Variants in SH3GL3 observed in about 807,000 individuals in gnomAD.
The protein encoded by SH3GL3 is SH3 domain containing GRB2 like 3, endophilin A3.
Under a neutral mutation model 47.7 loss-of-function variants are expected in SH3GL3, and 33 were observed. That is an observed-to-expected ratio of 0.69 (90% CI 0.52 to 0.92). SH3GL3 has a LOEUF of 0.92. Among genes scored for constraint, SH3GL3 ranks in the 40% least tolerant of loss-of-function variants. The pLI is 0.00. For synonymous variants in SH3GL3, 155 were observed against 148.8 expected (o/e 1.04, Z -0.30); for missense variants, 363 against 417.8 (o/e 0.87, Z 1.14).
chr15:83,562,017 G>GAC (rs886348854), intron 2 of SH3GL3, among the ~76,000 whole-genome samples: 28 of 128,354 alleles, frequency 2.2e-4, no homozygotes, highest in South Asian at 9.7e-4. Context: ...GACTTGAACA[G>GAC]ACACACACAC....
chr15:83,501,140 G>C (rs547290090), intron 1 of SH3GL3, among the ~76,000 whole-genome samples: 13 of 152,220 alleles, frequency 8.5e-5, no homozygotes, highest in Admixed American at 7.8e-4. Context: ...TCAGAAATAA[G>C]CAAGAACTCT....
chr15:83,502,103 A>G (rs767142638), intron 1 of SH3GL3, among the ~76,000 whole-genome samples: 1 of 152,254 alleles, frequency 6.6e-6, no homozygotes, highest in African/African-American at 2.4e-5. Flanking sequence ...AAGTTCTTAG[A>G]AGAAGTGGTG....
chr15:83,470,051 A>G (rs973631755), intron 1 of SH3GL3, among the ~76,000 whole-genome samples: 22 of 152,154 alleles, frequency 1.4e-4, no homozygotes, highest in Admixed American at 2.6e-4. Flanking sequence ...TTTTACTATC[A>G]TATAATGTTC....
intron 1 of SH3GL3, among the ~76,000 whole-genome samples, chr15:83,541,490 C>T (rs1307724880): frequency 6.6e-6 from 1 of 151,580 alleles, no homozygotes; most frequent in Admixed American, 6.6e-5. Context: ...CCCGCTACCA[C>T]GCCCGGCTAA....
chr15:83,614,493 C>T (rs796467660), intron 8 of SH3GL3, among the ~76,000 whole-genome samples: 33 of 152,296 alleles, frequency 2.2e-4, no homozygotes, highest in African/African-American at 6.3e-4. Flanking sequence ...TCTCTTTCCT[C>T]GCCAGCTGAG....
At chr15:83,562,603 T>C (rs2045343111) in intron 2 of SH3GL3, among the ~76,000 whole-genome samples, 2 of 152,240 alleles carry the variant, frequency 1.3e-5, no homozygotes, top group Non-Finnish European at 2.9e-5. Flanking sequence ...ATGAAAATCA[T>C]TATAGTTAAT....
At chr15:83,541,310 C>CAATTTTTTTTTTTTTTTTT (rs1567318555) in intron 1 of SH3GL3, among the ~76,000 whole-genome samples, 2 of 47,750 alleles carry the variant, frequency 4.2e-5, no homozygotes, top group African/African-American at 1.3e-4. Flanking sequence ...TATGGTAATT[C>CAATTTTTTTTTTTTTTTTT]TATTTTTTTT....
intron 6 of SH3GL3, among the ~76,000 whole-genome samples, chr15:83,577,558 C>G (rs1429898172): frequency 6.6e-6 from 1 of 152,006 alleles, no homozygotes; most frequent in African/African-American, 2.4e-5. Flanking sequence ...GCCACCAAAC[C>G]CTGATAATTT....
At chr15:83,493,092 C>A (rs1487881571) in intron 1 of SH3GL3, among the ~76,000 whole-genome samples, 1 of 152,124 alleles carries the variant, frequency 6.6e-6, no homozygotes, top group Non-Finnish European at 1.5e-5. Flanking sequence ...AATAATCGTT[C>A]TTTAATTTCT....
intron 1 of SH3GL3, among the ~76,000 whole-genome samples, chr15:83,541,310 C>CTT (rs2044143784): frequency 1.9e-4 from 9 of 47,748 alleles, no homozygotes; most frequent in East Asian, 1.0e-3. Context: ...TATGGTAATT[C>CTT]TATTTTTTTT....
chr15:83,474,069 T>A (rs372500777), intron 1 of SH3GL3, among the ~76,000 whole-genome samples: 4 of 152,208 alleles, frequency 2.6e-5, no homozygotes, highest in African/African-American at 9.6e-5. Context: ...TAAATTGTAG[T>A]TAGTGTGAGG....
intron 1 of SH3GL3, among the ~76,000 whole-genome samples, chr15:83,522,501 G>A (rs1166963598): frequency 1.3e-5 from 2 of 152,180 alleles, no homozygotes; most frequent in Admixed American, 1.3e-4. Context: ...GGAAGAGGCA[G>A]GTTTTGCTGA....
the SH3GL3 span, among the ~76,000 whole-genome samples, chr15:83,631,483 AG>A: frequency 2.6e-5 from 4 of 152,228 alleles, no homozygotes; most frequent in African/African-American, 9.6e-5. Context: ...CTGGACAGCC[AG>A]GGGTTTCCAT....
chr15:83,567,440 T>C (rs1351410891), intron 3 of SH3GL3, among the ~76,000 whole-genome samples: 1 of 152,122 alleles, frequency 6.6e-6, no homozygotes, highest in Non-Finnish European at 1.5e-5. Flanking sequence ...GAGCACAGTG[T>C]GTTGTTGCAC....
chr15:83,567,669 A>C (rs2045613800), intron 3 of SH3GL3, among the ~76,000 whole-genome samples: 1 of 151,914 alleles, frequency 6.6e-6, no homozygotes, highest in South Asian at 2.1e-4. Context: ...TAATACTGAA[A>C]ATCATTAGGC....
chr15:83,561,743 CA>C (rs969776333), intron 2 of SH3GL3, among the ~76,000 whole-genome samples: 5 of 151,996 alleles, frequency 3.3e-5, no homozygotes, highest in Admixed American at 6.6e-5. Context: ...CCACTGATAG[CA>C]TTTTTTAAAG....
chr15:83,596,204 C>A (rs924765933), intron 8 of SH3GL3, among the ~76,000 whole-genome samples: 1 of 152,148 alleles, frequency 6.6e-6, no homozygotes, highest in Non-Finnish European at 1.5e-5. Context: ...GTTTTAGATA[C>A]CTATTTAATT....
chr15:83,449,172 G>A (rs2039605521), intron 1 of SH3GL3, among the ~76,000 whole-genome samples: 2 of 152,228 alleles, frequency 1.3e-5, no homozygotes, highest in South Asian at 4.1e-4. Context: ...TAATTGTTGA[G>A]CAGTGACCAC....
intron 1 of SH3GL3, among the ~76,000 whole-genome samples, chr15:83,515,328 C>T (rs1223529603): frequency 6.6e-6 from 1 of 152,084 alleles, no homozygotes; most frequent in Non-Finnish European, 1.5e-5. Flanking sequence ...TGCTTAATTG[C>T]CTGTGTCTTA....
Sources: gnomAD v4.1 joint callset for allele counts (sites outside exome capture counted in the v4.1 genomes callset) on GRCh38, gnomAD v4.1.1 for gene constraint, MANE v1.5 for transcripts, NCBI Gene and HGNC (gene_info 2026-07-23, HGNC 2026-07-21) for gene names.